The following CMPK2 variants were observed in gnomAD, a reference collection of about 807,000 sequenced individuals.
CMPK2 encodes the protein UMP-CMP kinase 2, mitochondrial.
In CMPK2, 32 loss-of-function variants were observed where a neutral mutation model predicts 33.4. The observed-to-expected ratio is 0.96, with a 90% CI of 0.72 to 1.29. CMPK2 has a LOEUF of 1.29. Among genes scored for constraint, CMPK2 ranks in the 50% most tolerant of loss-of-function variants. The pLI, the probability that CMPK2 is intolerant of heterozygous loss-of-function variation, is 0.00. For missense variants in CMPK2, 672 were observed against 616.0 expected (o/e 1.09, Z -0.96); for synonymous variants, 299 against 275.3 (o/e 1.09, Z -0.85).
At chr2:6,843,896 C>A (rs968784519), downstream of CMPK2, among the ~76,000 whole-genome samples, 1 of 152,188 alleles carries the variant, frequency 6.6e-6, no homozygotes, top group Non-Finnish European at 1.5e-5. Flanking sequence ...CTCCTTTCTA[C>A]GTCCAGAATC....
intron 3 of CMPK2, among the ~76,000 whole-genome samples, chr2:6,856,377 G>C (rs535148601): frequency 1.1e-3 from 168 of 152,268 alleles, no homozygotes; most frequent in Non-Finnish European, 1.5e-3. Flanking sequence ...GCTACCCCTG[G>C]GGAGGAAATG....
In CMPK2 at chr2:6,865,075, G is replaced by T. The variant is rs766024127; in HGVS notation, c.622C>A (p.Pro208Thr). 3 of 1,477,014 alleles carry T rather than the reference G, an allele frequency of 2.0e-6. No homozygotes were observed. The highest frequency in any genetic ancestry group is 1.4e-5 in the South Asian group (1 of 73,250). 91.5% of individuals were successfully genotyped at this position (1,477,014 alleles called of 1,614,324 possible). A position where few individuals can be genotyped will look rare whatever the true frequency, so the allele number is the denominator to read the frequency against. The change falls in exon 1 of 5, where the codon CCC (proline) becomes ACC (threonine). Residue 208 changes from proline (P) to threonine (T), a missense_variant. Pro to Thr is a conservative substitution (Grantham distance 38). Coordinates refer to ENST00000256722, the MANE Select transcript of CMPK2 (RefSeq NM_207315.4). ...CGGTCCGGGAAGACCACGGAACTGG[G>T]CAAGTCTGGCACCACCGGGTGCAGC... ...PPLHPVVPDL[P>T]SSVVFPDREA...
chr2:6,843,585 C>A (rs994641513), downstream of CMPK2, among the ~76,000 whole-genome samples: 1 of 152,074 alleles, frequency 6.6e-6, no homozygotes, highest in South Asian at 2.1e-4. Flanking sequence ...CTTGCCCACA[C>A]CTCTGGGCTA....
At chr2:6,866,486 T>C, upstream of CMPK2, 1 of 985,624 alleles carries the variant, frequency 1.0e-6, no homozygotes, top group Non-Finnish European at 1.2e-6. Context: ...ACTCTCCAAC[T>C]GGGAAGTGTC....
chr2:6,863,318 C>T, intron 2 of CMPK2, 146 bp downstream of exon 2: 1 of 643,962 alleles, frequency 1.6e-6, no homozygotes. Context: ...TCTCTGCATC[C>T]CAGGGCCTGC....
downstream of CMPK2, among the ~76,000 whole-genome samples, chr2:6,847,514 C>T (rs1174120201): frequency 6.6e-6 from 1 of 152,182 alleles, no homozygotes; most frequent in East Asian, 1.9e-4. Flanking sequence ...AGGCACAACA[C>T]CCTGTGCTAG....
intron 4 of CMPK2, chr2:6,850,964 G>A (rs1170118269): frequency 3.7e-5 from 37 of 996,260 alleles, no homozygotes; most frequent in Admixed American, 5.3e-5. Flanking sequence ...CTAGTGAATA[G>A]TTATGTACAT....
chr2:6,863,746 G>A (rs2103229008), intron 1 of CMPK2, among the ~76,000 whole-genome samples, 168 bp from the exon 2 acceptor site: 1 of 152,364 alleles, frequency 6.6e-6, no homozygotes, highest in Middle Eastern at 3.4e-3. Context: ...ATGGACTGGA[G>A]TGTTTTATTT....
chr2:6,865,920 GC>G, upstream of CMPK2: 1 of 1,398,862 alleles, frequency 7.1e-7, no homozygotes, highest in South Asian at 1.4e-5. Context: ...GCGATAAACG[GC>G]CGGCGCTCGG....
intron 3 of CMPK2, among the ~76,000 whole-genome samples, chr2:6,859,871 T>C (rs753241169): frequency 1.1e-4 from 16 of 152,154 alleles, no homozygotes; most frequent in Non-Finnish European, 1.6e-4. Context: ...GTAGATCCAC[T>C]GACAGCTTGC....
Position 6,848,353 on chromosome 2 carries a change from AG to A in CMPK2, c.*1496del, listed in dbSNP as rs551880624. ...CCACAGCAAAGTTTATTCATGTGCC[AG>A]GGACATAAAGATACATTAATTGTTT... On this transcript the variant is annotated 3_prime_UTR_variant, in exon 5 of 5. Transcript: ENST00000256722. 1.1e-4 allele frequency: 110 copies of A among 985,258 alleles called. 1 individual carries two copies. The East Asian group carries it at 8.3e-3, about 74-fold the overall frequency. 61.0% of individuals were successfully genotyped at this position (985,258 alleles called of 1,614,324 possible).
At chr2:6,856,041 G>A (rs1004345944) in intron 3 of CMPK2, among the ~76,000 whole-genome samples, 1 of 152,118 alleles carries the variant, frequency 6.6e-6, no homozygotes, top group African/African-American at 2.4e-5. Context: ...CAGGGAATTG[G>A]CAAATACTGC....
At position 6,865,201 on chromosome 2, in the gene CMPK2, C is replaced by G. The variant is rs1185246235; in HGVS notation, c.496G>C (p.Ala166Pro). The change falls in exon 1 of 5, where the codon GCC becomes CCC. Residue 166 changes from alanine (A) to proline (P), a missense_variant. Ala to Pro is a conservative substitution (Grantham distance 27, BLOSUM62 -1). Coordinates refer to ENST00000256722, the MANE Select transcript of CMPK2 (RefSeq NM_207315.4). Reference sequence around the variant, plus strand: ...TGCCACAGCTGGCCGCGCGGGTCGGCCTCGAACTCGCCCAAGTGCGGGCGT... The same window carrying G: ...TGCCACAGCTGGCCGCGCGGGTCGGGCTCGAACTCGCCCAAGTGCGGGCGT... ...APRPHLGEFE[A>P]DPRGQLWQRL... 2 of 1,533,866 alleles carry G rather than the reference C, an allele frequency of 1.3e-6. No homozygotes were observed. The highest frequency in any genetic ancestry group is 2.6e-5 in the East Asian group (1 of 38,812).
chr2:6,853,946 C>T (rs1021377136), intron 3 of CMPK2, among the ~76,000 whole-genome samples: 3 of 151,982 alleles, frequency 2.0e-5, no homozygotes, highest in African/African-American at 7.3e-5. Flanking sequence ...AATCTCAACA[C>T]CATCCATCCT....
intron 2 of CMPK2, among the ~76,000 whole-genome samples, chr2:6,861,654 C>A (rs1357664868): frequency 1.3e-5 from 2 of 152,186 alleles, no homozygotes; most frequent in East Asian, 3.8e-4. Context: ...TTATTCCCGG[C>A]AGCCCAGCTA....
intron 3 of CMPK2, among the ~76,000 whole-genome samples, chr2:6,857,617 C>T (rs1322451718): frequency 6.7e-6 from 1 of 148,694 alleles, no homozygotes; most frequent in African/African-American, 2.5e-5. Context: ...TGCACCTGAC[C>T]TAAAGCTATT....
chr2:6,850,521 G>A (rs1014683605), intron 4 of CMPK2: 1 of 154,010 alleles, frequency 6.5e-6, no homozygotes, highest in East Asian at 1.9e-4. Context: ...TTAAAATAGG[G>A]GTGTCGAGGT....
exon 4 of CMPK2, chr2:6,840,628 C>A: frequency 1.4e-6 from 1 of 702,356 alleles, no homozygotes; most frequent in Non-Finnish European, 2.6e-6. Flanking sequence ...ACAAACTTCA[C>A]TGCCGAGCAG....
chr2:6,865,622 C>T lies in CMPK2; in HGVS notation c.75G>A (p.Gly25=). Residue 25 remains glycine, a synonymous_variant, in exon 1 of 5, where the codon GGG becomes GGA. Coordinates refer to ENST00000256722, the MANE Select transcript of CMPK2 (RefSeq NM_207315.4). ...PLLGRRGVCA[G]AMAPPRRFVL... The stretch of plus-strand genomic sequence containing the variant: ...CGAAGCGGCGCGGCGGAGCCATGGC[C>T]CCAGCGCAGACCCCGCGCCGCCCGA... 7.2e-7 allele frequency: 1 copy of T among 1,381,640 alleles called. No individual in the cohort carries two copies. Among genetic ancestry groups the T allele is most frequent in the Non-Finnish European group, 9.4e-7 (1 of 1,068,932 alleles). 85.6% of individuals were successfully genotyped at this position (1,381,640 alleles called of 1,614,324 possible).
Sources: gnomAD v4.1 joint callset for allele counts (sites outside exome capture counted in the v4.1 genomes callset) on GRCh38, gnomAD v4.1.1 for gene constraint, MANE v1.5 for transcripts, NCBI Gene and HGNC (gene_info 2026-07-23, HGNC 2026-07-21) for gene names.